Variants in LAMA4 observed in about 807,000 individuals in gnomAD.
The protein encoded by LAMA4 is laminin subunit alpha-4.
Under a neutral mutation model 207.1 loss-of-function variants are expected in LAMA4, and 127 were observed. The ratio of observed to expected loss-of-function variants is 0.61; its 90% CI spans 0.53 to 0.71. The LOEUF is 0.71. Among genes scored for constraint, LAMA4 ranks in the 30% least tolerant of loss-of-function variants. LAMA4 has a pLI of 0.00. For synonymous variants in LAMA4, 761 were observed against 816.0 expected, an observed-to-expected ratio of 0.93 and a Z score of 1.15; for missense variants, 2,093 against 2,246.5, an observed-to-expected ratio of 0.93 and a Z score of 1.38.
chr6:112,229,316 T>C (rs73764719), intron 2 of LAMA4, among the ~76,000 whole-genome samples: 10,887 of 152,108 alleles, frequency 0.072, 1,375 homozygotes, highest in African/African-American at 0.25. Context: ...CTTGCTTTCC[T>C]CTCCTCCTCT....
chr6:112,206,998 G>T, intron 4 of LAMA4, 23 bp downstream of exon 4: 3 of 1,613,362 alleles, frequency 1.9e-6, no homozygotes, highest in Non-Finnish European at 2.5e-6. Flanking sequence ...CATTAGAAGA[G>T]ACCATCCTCC....
chr6:112,115,033 G>A (rs1297692912), intron 36 of LAMA4, among the ~76,000 whole-genome samples: 1 of 152,130 alleles, frequency 6.6e-6, no homozygotes, highest in African/African-American at 2.4e-5. Flanking sequence ...AAGATTGAGT[G>A]TGTTATACAA....
chr6:112,115,948 A>C lies in LAMA4; in HGVS notation c.5027T>G (p.Val1676Gly), dbSNP rs1269776212. 5 of 1,613,258 alleles carry C rather than the reference A, an allele frequency of 3.1e-6. No homozygotes were observed. The African/African-American group carries it at 6.7e-5, about 22-fold the overall frequency. ...GGTTCCGGAACTGCTTCTGGGACGG[A>C]CTTCAAATGCAATTTCAAACTTCAA... ...IGLKFEIAFEVRPRSSSGTLV... is the reference protein window; with the variant it reads ...IGLKFEIAFEGRPRSSSGTLV... The change falls in exon 36 of 39, where the codon GTC becomes GGC. Residue 1676 changes from valine (V) to glycine (G), a missense_variant. By Grantham distance (109) the Val-to-Gly change is moderately radical. Around this residue, in one of 3 missense-constraint regions of LAMA4, gnomAD observed 383 missense variants for 437.8 expected, o/e 0.87. Transcript: ENST00000230538.
intron 15 of LAMA4, 143 bp downstream of exon 15, chr6:112,155,422 T>A: frequency 1.2e-6 from 1 of 862,682 alleles, no homozygotes; most frequent in South Asian, 1.6e-5. Flanking sequence ...AAGGCATTCA[T>A]GAAATGGTCT....
intron 2 of LAMA4, among the ~76,000 whole-genome samples, chr6:112,233,751 T>G (rs782767034): frequency 1.3e-5 from 2 of 152,226 alleles, no homozygotes; most frequent in Admixed American, 6.5e-5. Flanking sequence ...ACTTATATTC[T>G]GTCTGTTGTT....
intron 4 of LAMA4, among the ~76,000 whole-genome samples, chr6:112,206,670 G>A (rs1455409100): frequency 6.6e-6 from 1 of 152,120 alleles, no homozygotes; most frequent in African/African-American, 2.4e-5. Context: ...CTGAAAATAT[G>A]ATATTATAAT....
chr6:112,154,637 A>T, intron 16 of LAMA4: 2 of 583,548 alleles, frequency 3.4e-6, no homozygotes, highest in South Asian at 4.1e-5. Flanking sequence ...ATGTGTTTCC[A>T]TGTAGTTTAC....
At chr6:112,229,010 T>G (rs1554363642) in intron 2 of LAMA4, among the ~76,000 whole-genome samples, 6 of 152,186 alleles carry the variant, frequency 3.9e-5, no homozygotes, top group Non-Finnish European at 8.8e-5. Flanking sequence ...ACTTTCTTTC[T>G]CAGACAGTCC....
At chr6:112,164,629 C>T (rs553365360) in intron 13 of LAMA4, among the ~76,000 whole-genome samples, 5 of 152,146 alleles carry the variant, frequency 3.3e-5, no homozygotes, top group African/African-American at 9.7e-5. Context: ...TGATATCTTT[C>T]GAAAGGTAAT....
intron 2 of LAMA4, among the ~76,000 whole-genome samples, chr6:112,241,114 T>TAG (rs1786403019): frequency 7.5e-6 from 1 of 133,296 alleles, no homozygotes; most frequent in African/African-American, 2.7e-5. Flanking sequence ...TATATATATA[T>TAG]GAATATATAT....
chr6:112,187,487 T>G lies in LAMA4; in HGVS notation c.929A>C (p.His310Pro), dbSNP rs1554347097. 2 of 1,613,968 alleles carry G rather than the reference T, an allele frequency of 1.2e-6. No homozygotes were observed. Among genetic ancestry groups the G allele is most frequent in the Non-Finnish European group, 1.7e-6 (2 of 1,180,002 alleles). Residue 310 changes from histidine (H) to proline (P), a missense_variant, in exon 8 of 39, where the codon CAC (histidine) becomes CCC (proline). Physicochemically the swap from His to Pro is moderately conservative, Grantham distance 77. Transcript: ENST00000230538. ...GATGGTGGCGTTGATTTCATTCACG[T>G]GCCTATGAGCGGCGGCCCCAGAGGA... ...SVSSGAAAHR[H>P]VNEINATIYL...
intron 2 of LAMA4, among the ~76,000 whole-genome samples, chr6:112,239,049 G>A (rs1161056776): frequency 6.6e-6 from 1 of 152,120 alleles, no homozygotes; most frequent in Non-Finnish European, 1.5e-5. Context: ...GGCTGGGTGC[G>A]GTGGCTCATG....
intron 19 of LAMA4, among the ~76,000 whole-genome samples, chr6:112,144,570 G>A (rs1384852873): frequency 1.3e-5 from 2 of 152,202 alleles, no homozygotes; most frequent in African/African-American, 4.8e-5. Flanking sequence ...CAGGTACTGA[G>A]CCCTTTCTCT....
chr6:112,241,136 GGAATATATATAT>G lies in LAMA4; in HGVS notation c.195+12808_195+12819del, dbSNP rs1473823044. On this transcript the variant is annotated intron_variant, in intron 2 of 38. Transcript: ENST00000230538. ...ATATGAATATATATATGAATATATA[GGAATATATATAT>G]GAATATATATATGAATATATATGAA... Among the ~76,000 whole-genome samples the G allele has an allele frequency of 1.2e-3, 74 of 61,964 alleles. 1 individual carries two copies. In the East Asian group the frequency reaches 0.028, roughly 23 times the overall value. 40.7% of individuals were successfully genotyped at this position (61,964 alleles called of 152,430 possible).
chr6:112,140,040 A>C (rs1220969766), intron 22 of LAMA4, among the ~76,000 whole-genome samples, 155 bp from the exon 23 acceptor site: 1 of 152,202 alleles, frequency 6.6e-6, no homozygotes, highest in Non-Finnish European at 1.5e-5. Flanking sequence ...AATCATTTAG[A>C]TATGGCGTAA....
At chr6:112,216,594 A>G (rs1255809028) in intron 2 of LAMA4, 125 bp from the exon 3 acceptor site, 1 of 714,062 alleles carries the variant, frequency 1.4e-6, no homozygotes, top group Non-Finnish European at 2.5e-6. Context: ...AATATACTAA[A>G]TGATACATAC....
chr6:112,196,629 A>G (rs190293642), intron 5 of LAMA4: 1 of 152,212 alleles, frequency 6.6e-6, no homozygotes, highest in East Asian at 1.9e-4. Context: ...GCATTTTACA[A>G]TTATTTGCAT....
At chr6:112,192,787 A>C (rs982972997) in intron 5 of LAMA4, among the ~76,000 whole-genome samples, 4 of 152,228 alleles carry the variant, frequency 2.6e-5, no homozygotes, top group South Asian at 4.1e-4. Flanking sequence ...GCTGCCGTGC[A>C]GGGCAGCAGA....
chr6:112,122,181 T>C lies in LAMA4; in HGVS notation c.4308A>G (p.Ala1436=), dbSNP rs1554326362. 6.2e-7 allele frequency: 1 copy of C among 1,613,754 alleles called. No homozygotes were observed. Among genetic ancestry groups the C allele is most frequent in the East Asian group, 2.2e-5 (1 of 44,862 alleles). ...TCAGAGCAACAGGATCCCATGAAGG[T>C]GCATCTTTACTTTTCCCTCCCTATA... ...QNKKGGKSKD[A]PSWDPVALKL... Residue 1436 remains alanine, a synonymous_variant, in exon 32 of 39, where the codon GCA becomes GCG. Coordinates refer to ENST00000230538, the MANE Select transcript of LAMA4 (RefSeq NM_001105206.3).
Sources: allele counts gnomAD v4.1 joint callset (sites outside exome capture counted in the v4.1 genomes callset), GRCh38; gene constraint gnomAD v4.1.1; regional missense constraint gnomAD v4.1.1; transcripts MANE v1.5; gene names NCBI Gene and HGNC (gene_info 2026-07-23, HGNC 2026-07-21).